NFIB: variants seen among roughly 807,000 people sequenced by gnomAD.
NFIB encodes the protein nuclear factor 1 B-type.
NFIB carries 11 observed loss-of-function variants against 61.5 expected under a neutral mutation model. The observed-to-expected ratio is 0.18, with a 90% CI of 0.11 to 0.30. The LOEUF (loss-of-function observed/expected upper bound fraction) is 0.30. NFIB is among the 10% of genes least tolerant of loss of function. The pLI is 1.00. For missense variants in NFIB, 471 were observed against 608.9 expected, an observed-to-expected ratio of 0.77 and a Z score of 2.38; for synonymous variants, 260 against 216.5, an observed-to-expected ratio of 1.20 and a Z score of -1.76.
the NFIB span, among the ~76,000 whole-genome samples, chr9:14,413,224 C>G: frequency 2.6e-5 from 4 of 152,152 alleles, no homozygotes; most frequent in African/African-American, 7.2e-5. Flanking sequence ...CTTGGGGCAG[C>G]TGGAGCCTTC....
intron 2 of NFIB, among the ~76,000 whole-genome samples, chr9:14,285,117 G>A (rs1030068604): frequency 6.6e-6 from 1 of 152,126 alleles, no homozygotes; most frequent in African/African-American, 2.4e-5. Context: ...TAAAACAAAT[G>A]ATTCTTTCCA....
chr9:14,220,842 T>TACACACACACACACACACACACACAC (rs138623129), intron 2 of NFIB, among the ~76,000 whole-genome samples: 4 of 123,020 alleles, frequency 3.3e-5, no homozygotes, highest in Admixed American at 8.2e-5. Context: ...TCAATCTCCC[T>TACACACACACACACACACACACACAC]ACACACACAC....
chr9:14,294,989 T>C (rs2059337455), intron 2 of NFIB, among the ~76,000 whole-genome samples: 1 of 152,164 alleles, frequency 6.6e-6, no homozygotes, highest in South Asian at 2.1e-4. Context: ...GCTACTGAAG[T>C]CAAACACGGT....
At chr9:14,330,430 A>T (rs533448388) in intron 1 of NFIB, among the ~76,000 whole-genome samples, 5 of 152,282 alleles carry the variant, frequency 3.3e-5, no homozygotes, top group South Asian at 2.1e-4. Context: ...ATTTTTTTTT[A>T]AATGATTTTA....
At chr9:14,170,500 G>A (rs1327501980) in intron 3 of NFIB, among the ~76,000 whole-genome samples, 5 of 152,080 alleles carry the variant, frequency 3.3e-5, no homozygotes, top group Non-Finnish European at 7.4e-5. Context: ...AAATTAGCTG[G>A]GCATGGTGGC....
At chr9:14,474,794 G>A in the NFIB span, among the ~76,000 whole-genome samples, 1 of 152,282 alleles carries the variant, frequency 6.6e-6, no homozygotes, top group East Asian at 1.9e-4. Flanking sequence ...TAGACCTTAA[G>A]GCTAGAAACT....
At chr9:14,420,501 TCATTTTCTCCACACCAACCCCC>T in the NFIB span, among the ~76,000 whole-genome samples, 1 of 113,250 alleles carries the variant, frequency 8.8e-6, no homozygotes, top group South Asian at 3.2e-4. Context: ...GGAAAGATAA[TCATTTTCTCCACACCAACCCCC>T]CAAATATTTT....
intron 2 of NFIB, among the ~76,000 whole-genome samples, chr9:14,191,094 G>A (rs545740636): frequency 2.2e-4 from 34 of 152,064 alleles, no homozygotes; most frequent in African/African-American, 7.2e-4. Context: ...TTGGGAGGCT[G>A]AAGTGGGAGG....
At chr9:14,328,895 A>G (rs1009811819) in intron 1 of NFIB, among the ~76,000 whole-genome samples, 1 of 152,206 alleles carries the variant, frequency 6.6e-6, no homozygotes, top group Non-Finnish European at 1.5e-5. Context: ...TTTACTGTTA[A>G]CATTTAAAAC....
At chr9:14,264,551 T>C (rs2057042358) in intron 2 of NFIB, among the ~76,000 whole-genome samples, 2 of 152,116 alleles carry the variant, frequency 1.3e-5, no homozygotes, top group African/African-American at 2.4e-5. Flanking sequence ...AAACACTCAA[T>C]GATGAATTTT....
At chr9:14,113,179 C>T (rs1164074344) in intron 9 of NFIB, 98 bp from the exon 10 acceptor site, 2 of 982,500 alleles carry the variant, frequency 2.0e-6, no homozygotes, top group South Asian at 2.1e-5. Context: ...GGATTTGCAA[C>T]CAAAAAAAAA....
intron 6 of NFIB, among the ~76,000 whole-genome samples, chr9:14,130,276 T>C (rs1003038475): frequency 5.9e-5 from 9 of 152,188 alleles, no homozygotes; most frequent in Non-Finnish European, 1.3e-4. Context: ...TTATTCCATT[T>C]TGTTTAAACT....
At chr9:14,309,122 G>T (rs1488851816) in intron 1 of NFIB, among the ~76,000 whole-genome samples, 1 of 152,142 alleles carries the variant, frequency 6.6e-6, no homozygotes, top group Non-Finnish European at 1.5e-5. Context: ...ACATACTCAT[G>T]TTAATCACCC....
At chr9:14,090,782 T>C (rs1274222645) in intron 10 of NFIB, among the ~76,000 whole-genome samples, 1 of 151,984 alleles carries the variant, frequency 6.6e-6, no homozygotes, top group African/African-American at 2.4e-5. Flanking sequence ...AGAAAGTCAT[T>C]TGGAGATTGC....
chr9:14,521,901 G>T, the NFIB span, among the ~76,000 whole-genome samples: 1 of 152,172 alleles, frequency 6.6e-6, no homozygotes, highest in African/African-American at 2.4e-5. Flanking sequence ...GGAGTTTAGA[G>T]AATATTCATC....
At chr9:14,155,586 A>G (rs1158391206) in intron 4 of NFIB, among the ~76,000 whole-genome samples, 3 of 152,226 alleles carry the variant, frequency 2.0e-5, no homozygotes, top group African/African-American at 7.2e-5. Flanking sequence ...ATGAATACCA[A>G]TAACATGGCA....
the NFIB span, among the ~76,000 whole-genome samples, chr9:14,428,264 A>G: frequency 1.3e-5 from 2 of 152,030 alleles, no homozygotes; most frequent in African/African-American, 2.4e-5. Context: ...TCTTTAAGGA[A>G]AACATCTTGT....
chr9:14,219,640 T>C (rs948760483), intron 2 of NFIB, among the ~76,000 whole-genome samples: 1 of 152,192 alleles, frequency 6.6e-6, no homozygotes, highest in Non-Finnish European at 1.5e-5. Flanking sequence ...CATTTTGTTT[T>C]GTTTTGTTTC....
intron 1 of NFIB, chr9:14,322,363 G>A (rs1035850030): frequency 8.2e-6 from 2 of 242,638 alleles, no homozygotes; most frequent in Admixed American, 5.6e-5. Flanking sequence ...TTTTATTGTT[G>A]TTTTAGCGGG....
Sources: gnomAD v4.1 joint callset for allele counts (sites outside exome capture counted in the v4.1 genomes callset) on GRCh38, gnomAD v4.1.1 for gene constraint, MANE v1.5 for transcripts, NCBI Gene and HGNC (gene_info 2026-07-23, HGNC 2026-07-21) for gene names.